Variants in ABCC11 observed in about 807,000 individuals in gnomAD.
ABCC11 encodes ATP binding cassette subfamily C member 11.
ABCC11 carries 135 observed loss-of-function variants against 149.3 expected under a neutral mutation model. The ratio of observed to expected loss-of-function variants is 0.90; its 90% CI spans 0.79 to 1.04. ABCC11 has a LOEUF of 1.04. Among genes scored for constraint, ABCC11 ranks in the 50% least tolerant of loss-of-function variants. The pLI, the probability that ABCC11 is intolerant of heterozygous loss-of-function variation, is 0.00. For missense variants in ABCC11, 1,680 were observed against 1,722.1 expected, an observed-to-expected ratio of 0.98 and a Z score of 0.43; for synonymous variants, 665 against 671.4, an observed-to-expected ratio of 0.99 and a Z score of 0.15.
intron 28 of ABCC11, 129 bp from the exon 29 acceptor site, chr16:48,167,789 G>A (rs529985356): frequency 1.3e-5 from 14 of 1,090,808 alleles, no homozygotes; most frequent in South Asian, 1.2e-4. Flanking sequence ...TGGGAAATGG[G>A]AGAATTATGC....
chr16:48,198,666 A>C (rs2150811749), intron 15 of ABCC11, among the ~76,000 whole-genome samples: 1 of 152,170 alleles, frequency 6.6e-6, no homozygotes, highest in Non-Finnish European at 1.5e-5. Context: ...AGAAGTGAAA[A>C]ATAAGAAACA....
intron 3 of ABCC11, among the ~76,000 whole-genome samples, chr16:48,228,179 C>T (rs1000858154): frequency 1.3e-5 from 2 of 149,282 alleles, no homozygotes; most frequent in African/African-American, 4.9e-5. Flanking sequence ...TCTACCCATA[C>T]TATAAAATGC....
At chr16:48,234,393 G>C (rs1229545180) in intron 1 of ABCC11, among the ~76,000 whole-genome samples, 2 of 151,992 alleles carry the variant, frequency 1.3e-5, no homozygotes, top group African/African-American at 4.8e-5. Flanking sequence ...ATTAATGTTT[G>C]TGTTTAGCAG....
At chr16:48,181,144 A>T (rs1258230756) in intron 23 of ABCC11, among the ~76,000 whole-genome samples, 2 of 152,224 alleles carry the variant, frequency 1.3e-5, no homozygotes, top group African/African-American at 2.4e-5. Flanking sequence ...GTCCTGAAGC[A>T]GCAGCGGGAG....
chr16:48,240,861 C>T (rs950170738), intron 1 of ABCC11, among the ~76,000 whole-genome samples: 2 of 152,066 alleles, frequency 1.3e-5, no homozygotes, highest in Non-Finnish European at 1.5e-5. Context: ...ATACCACCTT[C>T]ACCAAGTAGT....
chr16:48,171,526 C>T (rs535263761), intron 26 of ABCC11, among the ~76,000 whole-genome samples: 72 of 152,308 alleles, frequency 4.7e-4, no homozygotes, highest in Non-Finnish European at 8.2e-4. Flanking sequence ...GGCCACTTTT[C>T]CTTAAGCCAT....
At chr16:48,202,585 T>C (rs538282704) in intron 14 of ABCC11, among the ~76,000 whole-genome samples, 2 of 149,678 alleles carry the variant, frequency 1.3e-5, no homozygotes, top group Admixed American at 1.3e-4. Context: ...CACTCCAGCC[T>C]GGGTGACAGA....
In ABCC11 at chr16:48,215,011, CT is replaced by C; in HGVS notation, c.1117del (p.Arg373GlyfsTer13). The C allele has an allele frequency of 6.2e-7, 1 of 1,613,962 alleles. No individual in the cohort carries two copies. The highest frequency in any genetic ancestry group is 1.7e-5 in the Admixed American group (1 of 59,962). On this transcript the variant is annotated frameshift_variant, in exon 9 of 30. Transcript: ENST00000356608. LOFTEE classifies it high-confidence loss of function. ...AAGCCCGCACTTCTCCAATAGTTTC[CT>C]TTCCTTCCTTCTTAGGTCTGGGAAA... The part of the protein sequence containing the change: ...KIIEDLRRKE[R>X]KLLEKCGLVQ...
At chr16:48,181,178 C>T (rs551947100) in intron 23 of ABCC11, among the ~76,000 whole-genome samples, 151 of 152,276 alleles carry the variant, frequency 9.9e-4, no homozygotes, top group Admixed American at 1.7e-3. Context: ...TTAGTGATTC[C>T]GAATCCCCTA....
intron 1 of ABCC11, among the ~76,000 whole-genome samples, chr16:48,234,285 C>G (rs991581785): frequency 1.3e-5 from 2 of 152,076 alleles, no homozygotes; most frequent in African/African-American, 4.8e-5. Flanking sequence ...TAAATAACAG[C>G]AAAAGGTAGC....
intron 13 of ABCC11, 113 bp downstream of exon 13, chr16:48,205,300 G>A (rs541367341): frequency 6.4e-5 from 93 of 1,442,826 alleles, no homozygotes; most frequent in Admixed American, 2.2e-4. Flanking sequence ...ATGATAATGC[G>A]TTTAAGTGGA....
intron 23 of ABCC11, among the ~76,000 whole-genome samples, chr16:48,181,889 A>G (rs1045693744): frequency 8.5e-5 from 13 of 152,232 alleles, no homozygotes; most frequent in Non-Finnish European, 1.9e-4. Flanking sequence ...CTGGGATTAC[A>G]GGCGTGAGCC....
chr16:48,180,425 C>A (rs925517745), intron 23 of ABCC11, among the ~76,000 whole-genome samples: 2 of 152,150 alleles, frequency 1.3e-5, no homozygotes, highest in Non-Finnish European at 2.9e-5. Flanking sequence ...GTAGAACGAT[C>A]AAGGGTTCAT....
At chr16:48,223,725 T>G (rs376828876) in intron 5 of ABCC11, 8 of 152,638 alleles carry the variant, frequency 5.2e-5, no homozygotes, top group African/African-American at 1.9e-4. Context: ...TTCTCTCATA[T>G]GAGACTCTTG....
chr16:48,225,920 T>G (rs1970040319), intron 4 of ABCC11, among the ~76,000 whole-genome samples: 2 of 152,172 alleles, frequency 1.3e-5, no homozygotes, highest in Admixed American at 1.3e-4. Context: ...TGGACAGACA[T>G]TGTAAGTAAC....
rs1967600071 is a variant in ABCC11, at chr16:48,198,029, T to C, written c.2256A>G (p.Pro752=). ...TGGCCAGAGCCTGACTTTCTACCTT[T>C]GGCTTCTCTGCTATCTTTGCTGTGT... ...LQDTAKIAEK[P]KVESQALATS... The change falls in exon 17 of 30, where the codon CCA becomes CCG. Residue 752 remains proline (P), a synonymous_variant. Coordinates refer to ENST00000356608, the MANE Select transcript of ABCC11 (RefSeq NM_001370497.1). The C allele has an allele frequency of 6.2e-7, 1 of 1,614,190 alleles. No homozygotes were observed. Among genetic ancestry groups the C allele is most frequent in the Non-Finnish European group, 8.5e-7 (1 of 1,180,016 alleles).
chr16:48,224,434 A>G lies in ABCC11; in HGVS notation c.396-5T>C. On this transcript the variant is annotated splice_polypyrimidine_tract_variant and splice_region_variant and intron_variant, in intron 4 of 29. Coordinates refer to ENST00000356608, the MANE Select transcript of ABCC11 (RefSeq NM_001370497.1). ...TCTTCCCAAAGGCGGTGAAGCCTTG[A>G]AAAGAGGATAATGGAACTGGTGGAA... 1 of 1,613,862 alleles carries G rather than the reference A, an allele frequency of 6.2e-7. No homozygotes were observed.
chr16:48,247,044 T>C (rs74195158), intron 1 of ABCC11, among the ~76,000 whole-genome samples: 911 of 152,346 alleles, frequency 6.0e-3, no homozygotes, highest in African/African-American at 0.021. Context: ...AGAAAACATA[T>C]ATTGAAAAGT....
At position 48,205,127 on chromosome 16, in the gene ABCC11, A is replaced by G. The variant is rs146602276; in HGVS notation, c.1805+286T>C. Among the ~76,000 whole-genome samples the G allele has an allele frequency of 1.2e-3, 183 of 152,328 alleles. 1 individual carries two copies. The highest frequency in any genetic ancestry group is 4.3e-3 in the African/African-American group (179 of 41,574). On this transcript the variant is annotated intron_variant, in intron 13 of 29. Coordinates refer to ENST00000356608, the MANE Select transcript of ABCC11 (RefSeq NM_001370497.1). ...GACTATTTTGAGCCAATATAGCGTAATAGTTAAGCACGAAGTTTCTGAAAG... is the reference window on the plus strand; with the variant it reads ...GACTATTTTGAGCCAATATAGCGTAGTAGTTAAGCACGAAGTTTCTGAAAG...
Sources: gnomAD v4.1 joint callset for allele counts (sites outside exome capture counted in the v4.1 genomes callset) on GRCh38, gnomAD v4.1.1 for gene constraint, MANE v1.5 for transcripts, NCBI Gene and HGNC (gene_info 2026-07-23, HGNC 2026-07-21) for gene names.